WWOX: variants seen among roughly 807,000 people sequenced by gnomAD.
WWOX encodes WW domain-containing oxidoreductase.
In WWOX, 69 loss-of-function variants were observed where a neutral mutation model predicts 46.2. The observed-to-expected ratio is 1.49, with a 90% CI of 1.23 to 1.82. WWOX has a LOEUF of 1.82. WWOX is among the 40% of genes most tolerant of loss of function. The pLI is 0.00. For missense variants in WWOX, 919 were observed against 542.6 expected (o/e 1.69, Z -6.89); for synonymous variants, 359 against 202.6 (o/e 1.77, Z -6.56).
At chr16:78,534,086 A>G (rs1597225414) in intron 8 of WWOX, among the ~76,000 whole-genome samples, 1 of 152,232 alleles carries the variant, frequency 6.6e-6, no homozygotes, top group Non-Finnish European at 1.5e-5. Flanking sequence ...AATAAATATT[A>G]GAATCATTGA....
chr16:78,628,871 C>T (rs1407290143), intron 8 of WWOX, among the ~76,000 whole-genome samples: 2 of 152,180 alleles, frequency 1.3e-5, no homozygotes, highest in South Asian at 4.1e-4. Context: ...TGTTGTGAAT[C>T]TCCCATTAGT....
intron 8 of WWOX, among the ~76,000 whole-genome samples, chr16:78,990,035 T>A (rs1327116279): frequency 6.6e-6 from 1 of 151,620 alleles, no homozygotes; most frequent in Non-Finnish European, 1.5e-5. Context: ...AATACAAAAA[T>A]TAGCTGGGCT....
At chr16:78,623,407 C>T (rs2550603) in intron 8 of WWOX, among the ~76,000 whole-genome samples, 2,390 of 152,196 alleles carry the variant, frequency 0.016, 35 homozygotes, top group Non-Finnish European at 0.025. Flanking sequence ...TGGCCAGACA[C>T]GGTGGCTCAT....
chr16:78,406,308 ATATATATATATAT>A (rs1567553293), intron 6 of WWOX, among the ~76,000 whole-genome samples: 1 of 20,202 alleles, frequency 4.9e-5, no homozygotes, highest in Non-Finnish European at 7.9e-5. Context: ...ATATAAATAT[ATATATATATATAT>A]ATATATATAT....
intron 8 of WWOX, among the ~76,000 whole-genome samples, chr16:78,894,523 A>G (rs916601621): frequency 6.6e-6 from 1 of 152,182 alleles, no homozygotes; most frequent in Non-Finnish European, 1.5e-5. Flanking sequence ...TGCTCTACCT[A>G]GTTCATTGCT....
intron 8 of WWOX, among the ~76,000 whole-genome samples, chr16:78,860,639 C>T (rs2052694628): frequency 6.6e-6 from 1 of 152,164 alleles, no homozygotes; most frequent in African/African-American, 2.4e-5. Context: ...AAAATAAATA[C>T]TTCATATAAG....
At chr16:78,102,209 C>G (rs1472699782) in intron 1 of WWOX, among the ~76,000 whole-genome samples, 1 of 152,256 alleles carries the variant, frequency 6.6e-6, no homozygotes, top group African/African-American at 2.4e-5. Flanking sequence ...CTGTGCCAAG[C>G]CCAGAGCGGT....
chr16:78,955,697 C>T (rs2046151781), intron 8 of WWOX, among the ~76,000 whole-genome samples: 2 of 151,306 alleles, frequency 1.3e-5, no homozygotes, highest in Admixed American at 6.6e-5. Context: ...ATTGCCCAGG[C>T]TGGATGGAGT....
At chr16:78,814,374 CA>C (rs1464814523) in intron 8 of WWOX, among the ~76,000 whole-genome samples, 2 of 151,592 alleles carry the variant, frequency 1.3e-5, no homozygotes, top group African/African-American at 4.9e-5. Flanking sequence ...AAATCATATT[CA>C]AAAAATACTA....
intron 8 of WWOX, among the ~76,000 whole-genome samples, chr16:78,466,520 G>C (rs2084082172): frequency 6.6e-6 from 1 of 152,124 alleles, no homozygotes; most frequent in Non-Finnish European, 1.5e-5. Context: ...GGCATATTAA[G>C]CTGCTGTTGT....
At chr16:78,812,790 A>C (rs1283902787) in intron 8 of WWOX, among the ~76,000 whole-genome samples, 2 of 152,122 alleles carry the variant, frequency 1.3e-5, no homozygotes, top group African/African-American at 4.8e-5. Context: ...ACTAATTTAC[A>C]AGCCCCATAA....
At chr16:78,614,734 C>T (rs1186183624) in intron 8 of WWOX, among the ~76,000 whole-genome samples, 3 of 152,168 alleles carry the variant, frequency 2.0e-5, no homozygotes, top group South Asian at 4.1e-4. Flanking sequence ...TCTTCCTTGA[C>T]GTGTTTTATG....
At chr16:78,899,967 A>G (rs2044788345) in intron 8 of WWOX, among the ~76,000 whole-genome samples, 3 of 151,518 alleles carry the variant, frequency 2.0e-5, no homozygotes, top group Admixed American at 2.0e-4. Context: ...TTAAGCCTTG[A>G]TAATTAGGTT....
At chr16:79,062,911 C>T (rs533150100) in intron 8 of WWOX, among the ~76,000 whole-genome samples, 19 of 152,298 alleles carry the variant, frequency 1.2e-4, no homozygotes, top group Admixed American at 1.2e-3. Flanking sequence ...AAATAAATTT[C>T]TGGCTGTCCA....
chr16:78,644,903 A>G (rs1462670057), intron 8 of WWOX, among the ~76,000 whole-genome samples: 1 of 152,224 alleles, frequency 6.6e-6, no homozygotes, highest in Non-Finnish European at 1.5e-5. Context: ...AGGAATATAG[A>G]TAGGAATTAC....
chr16:78,339,243 G>C (rs1271601319), intron 5 of WWOX, among the ~76,000 whole-genome samples: 1 of 117,546 alleles, frequency 8.5e-6, no homozygotes, highest in Non-Finnish European at 2.0e-5. Context: ...TTTCTTTCCT[G>C]CACCTTATTT....
In WWOX at chr16:78,100,335, C is replaced by G. The variant is rs553217470; in HGVS notation, c.107+450C>G. On this transcript the variant is annotated intron_variant, in intron 1 of 8. Coordinates refer to ENST00000566780, the MANE Select transcript of WWOX (RefSeq NM_016373.4). ...GGGTGCCATCATAGCCCACTGTAGC[C>G]TCTACCTACTGGGTTCAGACAATCC... 1.4e-3 allele frequency: 1,121 copies of G among 779,818 alleles called. 31 individuals carry two copies. The South Asian group carries it at 0.045, about 31-fold the overall frequency. 48.3% of individuals were successfully genotyped at this position (779,818 alleles called of 1,614,324 possible). A position where few individuals can be genotyped will look rare whatever the true frequency, so the allele number is the denominator to read the frequency against.
rs747435320 is a variant in WWOX at position 78,683,393 on chromosome 16, A to T, written c.1056+250641A>T. Among the ~76,000 whole-genome samples the T allele has an allele frequency of 1.2e-3, 177 of 151,732 alleles. 2 individuals carry two copies. The highest frequency in any genetic ancestry group is 1.8e-3 in the Non-Finnish European group (119 of 67,900). ...TCTCTACTAAAAACATTAAAAAAAA[A>T]TTTAGGCGTGGTGGTGTGTGCCTGT... On this transcript the variant is annotated intron_variant, in intron 8 of 8. Coordinates refer to ENST00000566780, the MANE Select transcript of WWOX (RefSeq NM_016373.4).
chr16:79,083,154 G>A (rs373274613), intron 8 of WWOX, among the ~76,000 whole-genome samples: 2 of 152,280 alleles, frequency 1.3e-5, no homozygotes, highest in East Asian at 1.9e-4. Flanking sequence ...TCATTATGGC[G>A]AGTCCCTAAC....
Sources: allele counts gnomAD v4.1 joint callset (sites outside exome capture counted in the v4.1 genomes callset), GRCh38; gene constraint gnomAD v4.1.1; transcripts MANE v1.5; gene names NCBI Gene and HGNC (gene_info 2026-07-23, HGNC 2026-07-21).